The following EFCAB6 variants were observed in gnomAD, a reference collection of about 807,000 sequenced individuals.
EFCAB6 encodes EF-hand calcium binding domain 6.
In EFCAB6, 156 loss-of-function variants were observed where a neutral mutation model predicts 169.8. The observed-to-expected ratio is 0.92, with a 90% confidence interval of 0.81 to 1.05. EFCAB6 has a LOEUF of 1.05. EFCAB6 is among the 50% of genes least tolerant of loss of function. The probability of loss-of-function intolerance (pLI) is 0.00; values close to 1 mark genes in which losing one functional copy is unlikely to be tolerated. For synonymous variants in EFCAB6, 698 were observed against 676.4 expected, an observed-to-expected ratio of 1.03 and a Z score of -0.50; for missense variants, 1,800 against 1,829.1, an observed-to-expected ratio of 0.98 and a Z score of 0.29.
At chr22:43,770,706 C>CT (rs1215325439) in intron 4 of EFCAB6, among the ~76,000 whole-genome samples, 2 of 151,900 alleles carry the variant, frequency 1.3e-5, no homozygotes, top group East Asian at 1.9e-4. Flanking sequence ...TAGAATAAAA[C>CT]TTTTTTTAAT....
rs2062472651 is a variant in EFCAB6 at position 43,795,514 on chromosome 22, C to A, written c.-7-13189G>T. On this transcript the variant is annotated intron_variant, in intron 2 of 31. Transcript: ENST00000262726. The surrounding 1 kb of genome is among the most constrained non-coding windows in gnomAD (Gnocchi z 4.2). ...GTCCCTCGGCCCTGCTCCACCCCAG[C>A]CGATTCCTCTGCCTTGAGACCTCCT... Among the ~76,000 whole-genome samples, 1 of 152,114 alleles carries A rather than the reference C, an allele frequency of 6.6e-6. No homozygotes were observed. The highest frequency in any genetic ancestry group is 6.5e-5 in the Admixed American group (1 of 15,286).
chr22:43,601,244 G>A (rs1349425399), intron 22 of EFCAB6, among the ~76,000 whole-genome samples: 1 of 152,154 alleles, frequency 6.6e-6, no homozygotes, highest in East Asian at 1.9e-4. Context: ...CATTAAAAAA[G>A]GCATAATGGA....
At chr22:43,644,030 G>C (rs1412523894) in intron 17 of EFCAB6, among the ~76,000 whole-genome samples, 3 of 152,072 alleles carry the variant, frequency 2.0e-5, no homozygotes, top group African/African-American at 7.2e-5. Context: ...CACCATGTTG[G>C]CCCGGCTGGT....
At chr22:43,591,800 G>C (rs192825678) in intron 23 of EFCAB6, among the ~76,000 whole-genome samples, 2 of 152,236 alleles carry the variant, frequency 1.3e-5, no homozygotes, top group South Asian at 4.1e-4. Context: ...GGGAAATTTT[G>C]TCTCCTAACT....
At chr22:43,547,133 C>A (rs5764291) in intron 27 of EFCAB6, among the ~76,000 whole-genome samples, 1 of 152,028 alleles carries the variant, frequency 6.6e-6, no homozygotes, top group Non-Finnish European at 1.5e-5. Flanking sequence ...CAAGATAGAT[C>A]TAAAACAACA....
intron 27 of EFCAB6, 111 bp from the exon 28 acceptor site, chr22:43,540,468 C>A: frequency 6.4e-7 from 1 of 1,573,298 alleles, no homozygotes; most frequent in South Asian, 1.1e-5. Flanking sequence ...TGAGCACTCA[C>A]GTGACTGGTG....
At chr22:43,740,417 G>A (rs1024716948) in intron 6 of EFCAB6, among the ~76,000 whole-genome samples, 6 of 152,122 alleles carry the variant, frequency 3.9e-5, no homozygotes, top group East Asian at 1.9e-4. Context: ...AAAGAGCCAC[G>A]ATCTGCAGAA....
At chr22:43,800,762 C>T (rs1200798837) in intron 2 of EFCAB6, among the ~76,000 whole-genome samples, 1 of 151,560 alleles carries the variant, frequency 6.6e-6, no homozygotes, top group African/African-American at 2.4e-5. Context: ...TGAAGACAGA[C>T]TATTTGAAAA....
chr22:43,576,202 A>G, intron 26 of EFCAB6, 95 bp downstream of exon 26: 2 of 1,107,602 alleles, frequency 1.8e-6, no homozygotes, highest in East Asian at 2.8e-5. Flanking sequence ...GTGATTGCCA[A>G]TTTATCTGAT....
chr22:43,806,505 C>T (rs975801361), intron 2 of EFCAB6, among the ~76,000 whole-genome samples: 8 of 152,024 alleles, frequency 5.3e-5, no homozygotes, highest in East Asian at 3.9e-4. Flanking sequence ...CTCAGCCTCC[C>T]GAAGTGTTGG....
At chr22:43,808,954 A>T (rs2063014815) in intron 2 of EFCAB6, 41 bp downstream of exon 2, 1 of 152,228 alleles carries the variant, frequency 6.6e-6, no homozygotes, top group Non-Finnish European at 1.5e-5. Flanking sequence ...ACAACGTCCC[A>T]GGGGAAAAAC....
At chr22:43,808,419 T>C (rs1190908211) in intron 2 of EFCAB6, among the ~76,000 whole-genome samples, 2 of 152,214 alleles carry the variant, frequency 1.3e-5, no homozygotes, top group African/African-American at 4.8e-5. Context: ...TGTGCTTTTA[T>C]AGCCCTACAG....
intron 20 of EFCAB6, among the ~76,000 whole-genome samples, chr22:43,616,596 G>A (rs1368661917): frequency 1.2e-5 from 1 of 85,308 alleles, no homozygotes; most frequent in South Asian, 5.2e-4. Context: ...CCTGGGAGGC[G>A]GAGGTTGCAG....
intron 22 of EFCAB6, among the ~76,000 whole-genome samples, chr22:43,601,510 T>C (rs1230694738): frequency 6.6e-6 from 1 of 152,216 alleles, no homozygotes; most frequent in Non-Finnish European, 1.5e-5. Context: ...GGCATTTGTC[T>C]GATGGAGTAG....
At chr22:43,529,195 A>G (rs374398125) in intron 31 of EFCAB6, among the ~76,000 whole-genome samples, 305 of 152,330 alleles carry the variant, frequency 2.0e-3, no homozygotes, top group African/African-American at 6.9e-3. Flanking sequence ...GTGAAACTGG[A>G]GCAGACAGGA....
intron 22 of EFCAB6, among the ~76,000 whole-genome samples, chr22:43,604,116 G>C (rs1236215244): frequency 6.6e-6 from 1 of 152,106 alleles, no homozygotes; most frequent in African/African-American, 2.4e-5. Context: ...CAGAAGCTGA[G>C]CAGATGCCAG....
At chr22:43,696,916 T>G (rs975381364) in intron 10 of EFCAB6, among the ~76,000 whole-genome samples, 11 of 152,112 alleles carry the variant, frequency 7.2e-5, no homozygotes, top group African/African-American at 2.4e-4. Context: ...AAATATACAC[T>G]TAAAAATGAA....
intron 6 of EFCAB6, among the ~76,000 whole-genome samples, chr22:43,753,459 ACTC>A (rs946555535): frequency 2.0e-5 from 3 of 151,866 alleles, no homozygotes; most frequent in South Asian, 2.1e-4. Context: ...GCTTACAGAG[ACTC>A]CTCCTCAAAA....
intron 1 of EFCAB6, among the ~76,000 whole-genome samples, chr22:43,809,955 C>T (rs577079283): frequency 3.3e-5 from 5 of 152,148 alleles, no homozygotes; most frequent in African/African-American, 1.2e-4. Flanking sequence ...GGCTGGAGTA[C>T]AGTGGCATTA....
Sources: allele counts gnomAD v4.1 joint callset (sites outside exome capture counted in the v4.1 genomes callset), GRCh38; gene constraint gnomAD v4.1.1; non-coding constraint Gnocchi (gnomAD v3.1); transcripts MANE v1.5; gene names NCBI Gene and HGNC (gene_info 2026-07-23, HGNC 2026-07-21).